The following CNTNAP2 variants were observed in gnomAD, a reference collection of about 807,000 sequenced individuals.
CNTNAP2 encodes the protein contactin-associated protein-like 2.
Under a neutral mutation model 155.2 loss-of-function variants are expected in CNTNAP2, and 98 were observed. That is an observed-to-expected ratio of 0.63 (90% CI 0.54 to 0.75). The LOEUF (loss-of-function observed/expected upper bound fraction) is 0.75. Among genes scored for constraint, CNTNAP2 ranks in the 30% least tolerant of loss-of-function variants. The probability of loss-of-function intolerance (pLI) is 0.00; values close to 1 mark genes in which losing one functional copy is unlikely to be tolerated. For missense variants in CNTNAP2, 1,727 were observed against 1,688.1 expected, an observed-to-expected ratio of 1.02 and a Z score of -0.40; for synonymous variants, 651 against 631.2, an observed-to-expected ratio of 1.03 and a Z score of -0.47.
Position 146,843,414 on chromosome 7 carries a change from G to T in CNTNAP2, c.402+3510G>T, listed in dbSNP as rs150952284. Among the ~76,000 whole-genome samples the T allele has an allele frequency of 1.7e-3, 254 of 152,134 alleles. 2 individuals carry two copies. Among genetic ancestry groups the T allele is most frequent in the African/African-American group, 5.9e-3 (246 of 41,524 alleles). ...CCCGTGATCCAATCACCTACTATCAGGCCCCTCTTCCAACACTGGGGATTA... is the reference window on the plus strand; with the variant it reads ...CCCGTGATCCAATCACCTACTATCATGCCCCTCTTCCAACACTGGGGATTA... On this transcript the variant is annotated intron_variant, in intron 3 of 23. Transcript: ENST00000361727.
At chr7:147,794,030 A>T (rs1401364031) in intron 13 of CNTNAP2, among the ~76,000 whole-genome samples, 4 of 151,914 alleles carry the variant, frequency 2.6e-5, no homozygotes, top group African/African-American at 9.7e-5. Flanking sequence ...CAACTTTGCT[A>T]ATTTTTAGTT....
intron 15 of CNTNAP2, among the ~76,000 whole-genome samples, chr7:147,984,121 T>C (rs984614530): frequency 2.0e-5 from 3 of 152,228 alleles, no homozygotes; most frequent in Non-Finnish European, 4.4e-5. Context: ...ATCTTATTGC[T>C]ACAGTCTGTA....
At chr7:147,032,320 T>A (rs1289674502) in intron 3 of CNTNAP2, among the ~76,000 whole-genome samples, 1 of 152,230 alleles carries the variant, frequency 6.6e-6, no homozygotes, top group Non-Finnish European at 1.5e-5. Context: ...TTATCAAATC[T>A]GTTTCACTTT....
At chr7:147,065,364 T>C (rs188260883) in intron 4 of CNTNAP2, among the ~76,000 whole-genome samples, 71 of 152,344 alleles carry the variant, frequency 4.7e-4, no homozygotes, top group Admixed American at 3.7e-3. Context: ...AGAATGAAAT[T>C]AAGTTGACTA....
intron 15 of CNTNAP2, among the ~76,000 whole-genome samples, chr7:147,986,449 C>G (rs956158413): frequency 6.6e-6 from 1 of 152,092 alleles, no homozygotes; most frequent in African/African-American, 2.4e-5. Flanking sequence ...ATTTTTGCCT[C>G]ACGTATAGCT....
At chr7:147,649,750 C>T (rs1795421586) in intron 13 of CNTNAP2, among the ~76,000 whole-genome samples, 1 of 151,676 alleles carries the variant, frequency 6.6e-6, no homozygotes, top group African/African-American at 2.4e-5. Context: ...GGCTATTATC[C>T]AATTCAAAAA....
At chr7:148,232,945 AC>A (rs1795988693) in intron 20 of CNTNAP2, among the ~76,000 whole-genome samples, 1 of 152,226 alleles carries the variant, frequency 6.6e-6, no homozygotes, top group Non-Finnish European at 1.5e-5. Flanking sequence ...AAGACAAAGT[AC>A]CCAGTCTCCA....
intron 4 of CNTNAP2, among the ~76,000 whole-genome samples, chr7:147,047,101 G>GT (rs752421484): frequency 2.3e-5 from 3 of 128,548 alleles, no homozygotes; most frequent in East Asian, 2.3e-4. Flanking sequence ...GTTAAGTTAT[G>GT]TTTCTTTTTT....
chr7:146,578,467 A>G (rs1270681031), intron 1 of CNTNAP2, among the ~76,000 whole-genome samples: 1 of 152,166 alleles, frequency 6.6e-6, no homozygotes, highest in Non-Finnish European at 1.5e-5. Context: ...TAAGAATATT[A>G]TATGCTGTTT....
At chr7:146,167,086 G>A (rs531388252) in intron 1 of CNTNAP2, among the ~76,000 whole-genome samples, 2 of 152,138 alleles carry the variant, frequency 1.3e-5, no homozygotes, top group Non-Finnish European at 2.9e-5. Flanking sequence ...CATAGCAGTT[G>A]CTCTGTAAAC....
intron 8 of CNTNAP2, among the ~76,000 whole-genome samples, chr7:147,253,173 T>C (rs1271826898): frequency 6.6e-6 from 1 of 152,156 alleles, no homozygotes; most frequent in Admixed American, 6.5e-5. Flanking sequence ...CTGATGCTTG[T>C]ACATTTCTGT....
intron 13 of CNTNAP2, among the ~76,000 whole-genome samples, chr7:147,899,277 C>T (rs942334707): frequency 1.3e-5 from 2 of 152,138 alleles, no homozygotes; most frequent in Non-Finnish European, 2.9e-5. Flanking sequence ...GAGGTCAAGG[C>T]TGCAGTGAGT....
intron 3 of CNTNAP2, among the ~76,000 whole-genome samples, chr7:146,996,219 A>G (rs548476301): frequency 6.6e-6 from 1 of 152,178 alleles, no homozygotes; most frequent in East Asian, 1.9e-4. Flanking sequence ...TGGCTGTGAA[A>G]AAGTAAATTT....
At chr7:146,170,137 A>G (rs938101055) in intron 1 of CNTNAP2, among the ~76,000 whole-genome samples, 7 of 149,590 alleles carry the variant, frequency 4.7e-5, no homozygotes, top group African/African-American at 1.7e-4. Context: ...AGCAATTCTC[A>G]TGCCACAGCC....
intron 1 of CNTNAP2, among the ~76,000 whole-genome samples, chr7:146,737,227 G>A (rs1801636192): frequency 1.3e-5 from 2 of 152,066 alleles, no homozygotes. Flanking sequence ...ATTGTGAAAT[G>A]ACTAAATCTG....
rs368741035 is a variant in CNTNAP2 at position 148,366,099 on chromosome 7, T to C, written c.3476-17550T>C. 9.5e-4 allele frequency among the ~76,000 whole-genome samples: 17 copies of C among 17,920 alleles called. 8 individuals are homozygous for C. Among genetic ancestry groups the C allele is most frequent in the Admixed American group, 2.7e-3 (2 of 736 alleles). 11.8% of individuals were successfully genotyped at this position (17,920 alleles called of 152,430 possible). A position where few individuals can be genotyped will look rare whatever the true frequency, so the allele number is the denominator to read the frequency against. ...ATGTGTGTGCATGTATACATGTATG[T>C]GTATGCATGTATGCATGTATGTGTA... is the stretch of plus-strand genomic sequence containing the variant. On this transcript the variant is annotated intron_variant, in intron 21 of 23. Coordinates refer to ENST00000361727, the MANE Select transcript of CNTNAP2 (RefSeq NM_014141.6).
intron 14 of CNTNAP2, among the ~76,000 whole-genome samples, chr7:147,964,383 T>G (rs1461059185): frequency 1.3e-5 from 2 of 152,138 alleles, no homozygotes; most frequent in Non-Finnish European, 2.9e-5. Flanking sequence ...TCATCAAGAT[T>G]TTGTTCACCT....
Position 148,217,296 on chromosome 7 carries a change from G to A in CNTNAP2, c.3019G>A (p.Ala1007Thr). 1 of 1,613,968 alleles carries A rather than the reference G, an allele frequency of 6.2e-7. No individual in the cohort carries two copies. The highest frequency in any genetic ancestry group is 8.5e-7 in the Non-Finnish European group (1 of 1,179,970). The change falls in exon 19 of 24, where the codon GCA becomes ACA. Residue 1007 changes from alanine (A) to threonine (T), a missense_variant. Physicochemically the swap from Ala to Thr is moderately conservative, Grantham distance 58 (BLOSUM62 0). Transcript: ENST00000361727. ...DGTFCNKDVG[A>T]FFEEGMWLRY... Reference sequence around the variant, plus strand: ...TCTCTCCTTTATAACAGATGTTGGTGCATTTTTTGAAGAAGGGATGTGGCT... The same window carrying A: ...TCTCTCCTTTATAACAGATGTTGGTACATTTTTTGAAGAAGGGATGTGGCT...
chr7:148,272,264 T>G (rs894659909), intron 21 of CNTNAP2, among the ~76,000 whole-genome samples: 11 of 152,180 alleles, frequency 7.2e-5, no homozygotes, highest in African/African-American at 2.7e-4. Flanking sequence ...AAAGGAGAAA[T>G]CTCACTAGAC....
Sources: gnomAD v4.1 joint callset for allele counts (sites outside exome capture counted in the v4.1 genomes callset) on GRCh38, gnomAD v4.1.1 for gene constraint, MANE v1.5 for transcripts, NCBI Gene and HGNC (gene_info 2026-07-23, HGNC 2026-07-21) for gene names.